The following CARMIL3 variants were observed in gnomAD, a reference collection of about 807,000 sequenced individuals.
CARMIL3 encodes the protein capping protein regulator and myosin 1 linker 3.
CARMIL3 carries 88 observed loss-of-function variants against 180.8 expected under a neutral mutation model. The observed-to-expected ratio is 0.49, with a 90% confidence interval of 0.41 to 0.58. The LOEUF (loss-of-function observed/expected upper bound fraction) is 0.58, where lower values mean the gene tolerates loss of function less well. CARMIL3 is among the 20% of genes least tolerant of loss of function. The probability of loss-of-function intolerance (pLI) is 0.00; values close to 1 mark genes in which losing one functional copy is unlikely to be tolerated. For missense variants in CARMIL3, 1,548 were observed against 1,787.0 expected, an observed-to-expected ratio of 0.87 and a Z score of 2.41; for synonymous variants, 696 against 714.5, an observed-to-expected ratio of 0.97 and a Z score of 0.41.
At chr14:24,066,864 C>T (rs778918935) in intron 36 of CARMIL3, among the ~76,000 whole-genome samples, 6 of 152,226 alleles carry the variant, frequency 3.9e-5, no homozygotes, top group Non-Finnish European at 2.9e-5. Flanking sequence ...AGAACAAAAG[C>T]GGCTTCTCCA....
chr14:24,058,734 G>A lies in CARMIL3; in HGVS notation c.1447G>A (p.Val483Ile). ...LQEQLGAVTC[V>I]GSLDLSDNGF... is the part of the protein sequence containing the mutation. ...GGAGCAGCTGGGAGCTGTCACCTGT[G>A]TAGGCAGCCTGGATCTGTCAGACAA... The change falls in exon 18 of 40, where the codon GTA becomes ATA. Residue 483 changes from valine (V) to isoleucine (I), a missense_variant. Physicochemically the swap from Val to Ile is conservative, Grantham distance 29. Around this residue, in one of 4 missense-constraint regions of CARMIL3, gnomAD observed 578 missense variants for 666.5 expected, o/e 0.87. Coordinates refer to ENST00000342740, the MANE Select transcript of CARMIL3 (RefSeq NM_138360.4). This position sits in a 1 kb window ranked among gnomAD's most constrained non-coding sequence, Gnocchi z 6.4. 1 of 1,614,162 alleles carries A rather than the reference G, an allele frequency of 6.2e-7. No individual in the cohort carries two copies. Among genetic ancestry groups the A allele is most frequent in the Non-Finnish European group, 8.5e-7 (1 of 1,180,026 alleles).
chr14:24,068,527 G>A, intron 36 of CARMIL3, 57 bp from the exon 37 acceptor site: 1 of 1,484,740 alleles, frequency 6.7e-7, no homozygotes, highest in South Asian at 1.3e-5. Context: ...AGGAGACAGG[G>A]ACAGGAGCTA....
In CARMIL3 at chr14:24,055,279, A is replaced by C; in HGVS notation, c.574A>C (p.Asn192His). ...IYHAEDNREF[N>H]LLDFSHLESR... Reference sequence around the variant, plus strand: ...CCATGCTGAAGATAACCGGGAGTTCAATCTTTTGGATTTCAGCCACTTGGA... The same window carrying C: ...CCATGCTGAAGATAACCGGGAGTTCCATCTTTTGGATTTCAGCCACTTGGA... Residue 192 changes from asparagine (N) to histidine (H), a missense_variant, in exon 8 of 40, where the codon AAT becomes CAT. Transcript: ENST00000342740. 1 of 1,614,076 alleles carries C rather than the reference A, an allele frequency of 6.2e-7. No individual in the cohort carries two copies. Among genetic ancestry groups the C allele is most frequent in the African/African-American group, 1.3e-5 (1 of 74,998 alleles).
rs1398748435 is a variant in CARMIL3 at position 24,054,519 on chromosome 14, G to A, written c.362+8G>A. The A allele has an allele frequency of 6.2e-7, 1 of 1,603,584 alleles. No homozygotes were observed. Among genetic ancestry groups the A allele is most frequent in the Non-Finnish European group, 8.5e-7 (1 of 1,177,818 alleles). On this transcript the variant is annotated splice_region_variant and intron_variant, in intron 5 of 39. Transcript: ENST00000342740. The surrounding 1 kb of genome is among the most constrained non-coding windows in gnomAD (Gnocchi z 5.1). ...GGTCTGCCCTGGCCCTGGGTGAGTG[G>A]CAAATAAGGGGTCTCTTAAGGCATT... is the stretch of plus-strand genomic sequence containing the variant.
At chr14:24,055,176 T>C (rs1464829291) in intron 7 of CARMIL3, 40 bp downstream of exon 7, 5 of 1,613,936 alleles carry the variant, frequency 3.1e-6, no homozygotes, top group Non-Finnish European at 4.2e-6. Context: ...AGGTGGGACC[T>C]GGAGGGAAGG....
At chr14:24,062,186 C>T in intron 27 of CARMIL3, 2 of 523,564 alleles carry the variant, frequency 3.8e-6, no homozygotes, top group Non-Finnish European at 6.9e-6. Context: ...TTACCTAGCT[C>T]TGTTCCACTG....
chr14:24,066,517 T>A, intron 35 of CARMIL3, 50 bp from the exon 36 acceptor site: 1 of 1,612,730 alleles, frequency 6.2e-7, no homozygotes. Context: ...AGGGGTCAAA[T>A]TTACCTTTTC....
chr14:24,068,693 G>T lies in CARMIL3; in HGVS notation c.3792G>T (p.Arg1264Ser). ...TCCCAGAGAGGACACTTCCAGCTAG[G>T]AATGCCAAGGTGAGAGCTGGCAAGA... The part of the protein sequence containing the change: ...TLFPERTLPA[R>S]NAKLQDPALA... Residue 1264 changes from arginine (R) to serine (S), a missense_variant, in exon 37 of 40, where the codon AGG (arginine) becomes AGT (serine). This residue lies in a region of CARMIL3 where 668 missense variants were observed against 687.8 expected (regional missense o/e 0.97). Coordinates refer to ENST00000342740, the MANE Select transcript of CARMIL3 (RefSeq NM_138360.4). The T allele has an allele frequency of 6.2e-7, 1 of 1,613,674 alleles. No homozygotes were observed. Among genetic ancestry groups the T allele is most frequent in the Non-Finnish European group, 8.5e-7 (1 of 1,179,786 alleles).
Position 24,065,666 on chromosome 14 carries a change from G to A in CARMIL3, c.3441G>A (p.Gly1147=). The A allele has an allele frequency of 1.9e-6, 3 of 1,614,018 alleles. No individual in the cohort carries two copies. Among genetic ancestry groups the A allele is most frequent in the Non-Finnish European group, 2.5e-6 (3 of 1,179,934 alleles). ...SEPGEGGPAP[G]TAQQPRVHGV... ...CAGGGGAGGGGGGCCCAGCCCCTGGGACAGCACAGCAGCCAAGGGTTCACG... is the reference window on the plus strand; with the variant it reads ...CAGGGGAGGGGGGCCCAGCCCCTGGAACAGCACAGCAGCCAAGGGTTCACG... Residue 1147 remains glycine, a synonymous_variant, in exon 34 of 40, where the codon GGG becomes GGA. Transcript: ENST00000342740.
chr14:24,059,438 C>A lies in CARMIL3; in HGVS notation c.1795C>A (p.Leu599Ile). 1 of 1,569,944 alleles carries A rather than the reference C, an allele frequency of 6.4e-7. No homozygotes were observed. The change falls in exon 21 of 40, where the codon CTC (leucine) becomes ATC (isoleucine). Residue 599 changes from leucine to isoleucine, a missense_variant. Coordinates refer to ENST00000342740, the MANE Select transcript of CARMIL3 (RefSeq NM_138360.4). This position sits in a 1 kb window ranked among gnomAD's most constrained non-coding sequence, Gnocchi z 6.3. ...TAAGGCCCTGCAGATAAACTCCTCC[C>A]TCAGGTGGGGCCCACACCGGGACCC... ...LSKALQINSS[L>I]RTILWDRNNT... is the part of the protein sequence containing the mutation.
chr14:24,066,174 T>C (rs2035784776), intron 34 of CARMIL3, among the ~76,000 whole-genome samples: 1 of 151,640 alleles, frequency 6.6e-6, no homozygotes, highest in South Asian at 2.1e-4. Flanking sequence ...TTCTACTACA[T>C]GTAAAATACA....
chr14:24,053,650 G>T, intron 1 of CARMIL3, 59 bp from the exon 2 acceptor site: 1 of 1,303,452 alleles, frequency 7.7e-7, no homozygotes, highest in South Asian at 1.3e-5. Flanking sequence ...GGAGAGCTCT[G>T]GGAGGTGGGG....
At position 24,055,286 on chromosome 14, in the gene CARMIL3, T is replaced by G. The variant is rs1287574661; in HGVS notation, c.581T>G (p.Leu194Trp). 1 of 1,614,108 alleles carries G rather than the reference T, an allele frequency of 6.2e-7. No individual in the cohort carries two copies. The highest frequency in any genetic ancestry group is 8.5e-7 in the Non-Finnish European group (1 of 1,180,012). Residue 194 changes from leucine (L) to tryptophan (W), a missense_variant, in exon 8 of 40, where the codon TTG becomes TGG. By Grantham distance (61) the Leu-to-Trp change is moderately conservative (BLOSUM62 -2). This residue lies in a region of CARMIL3 where 578 missense variants were observed against 666.5 expected (regional missense o/e 0.87). Transcript: ENST00000342740. ...GAAGATAACCGGGAGTTCAATCTTT[T>G]GGATTTCAGCCACTTGGAGAGCCGG... ...HAEDNREFNL[L>W]DFSHLESRDL...
At chr14:24,053,130 A>C (rs545971250) in intron 1 of CARMIL3, among the ~76,000 whole-genome samples, 1 of 152,060 alleles carries the variant, frequency 6.6e-6, no homozygotes, top group East Asian at 1.9e-4. Context: ...TCATTTAAAC[A>C]TTAATTCTTC....
chr14:24,066,767 AG>A, intron 36 of CARMIL3, 111 bp downstream of exon 36: 1 of 1,069,136 alleles, frequency 9.4e-7, no homozygotes, highest in Non-Finnish European at 1.4e-6. Flanking sequence ...TGGGGCAGTG[AG>A]AAGTCAACAC....
Position 24,056,686 on chromosome 14 carries a change from C to T in CARMIL3, c.930C>T (p.Ala310=). ...CTGGCCTCACCAAACTGTGCCTGGC[C>T]AAGACTGCCATTTCCCCTCGAGGTA... ...FPSGLTKLCL[A]KTAISPRGLQ... The change falls in exon 12 of 40, where the codon GCC becomes GCT. Residue 310 remains alanine, a synonymous_variant. Coordinates refer to ENST00000342740, the MANE Select transcript of CARMIL3 (RefSeq NM_138360.4). The T allele has an allele frequency of 6.2e-7, 1 of 1,613,484 alleles. No homozygotes were observed.
rs60008334 is a variant in CARMIL3 at position 24,059,661 on chromosome 14, C to A, written c.1800-3C>A. The A allele has an allele frequency of 3.5e-5, 57 of 1,614,024 alleles. No homozygotes were observed. Among genetic ancestry groups the A allele is most frequent in the Admixed American group, 2.2e-4 (13 of 60,006 alleles). On this transcript the variant is annotated splice_region_variant and splice_polypyrimidine_tract_variant and intron_variant, in intron 21 of 39. Transcript: ENST00000342740. This position sits in a 1 kb window ranked among gnomAD's most constrained non-coding sequence, Gnocchi z 6.3. Reference sequence around the variant, plus strand: ...GCCAAACTGGTGCTTACCCTCCCCCCAGAACTATCCTATGGGATCGGAACA... The same window carrying A: ...GCCAAACTGGTGCTTACCCTCCCCCAAGAACTATCCTATGGGATCGGAACA...
Position 24,069,530 on chromosome 14 carries a change from G to C in CARMIL3, c.*126G>C, listed in dbSNP as rs2035841559. 2 of 1,255,126 alleles carry C rather than the reference G, an allele frequency of 1.6e-6. No homozygotes were observed. Among genetic ancestry groups the C allele is most frequent in the African/African-American group, 3.0e-5 (2 of 66,784 alleles). The allele number at this position is 1,255,126 out of a possible 1,614,324, so 77.7% of individuals were successfully genotyped here. ...TACAGGGGCAAGACGGCAGGACCAG[G>C]CATGGGGGAGCTGGAGGCAGGGACT... On this transcript the variant is annotated 3_prime_UTR_variant, in exon 40 of 40. Transcript: ENST00000342740.
At chr14:24,057,337 G>T in intron 14 of CARMIL3, 93 bp downstream of exon 14, 2 of 1,148,064 alleles carry the variant, frequency 1.7e-6, no homozygotes, top group Non-Finnish European at 1.3e-6. Flanking sequence ...GTACACAGGC[G>T]GGCAGAGCTG....
Sources: gnomAD v4.1 joint callset for allele counts (sites outside exome capture counted in the v4.1 genomes callset) on GRCh38, gnomAD v4.1.1 for gene constraint, gnomAD v4.1.1 regional missense constraint, Gnocchi (gnomAD v3.1) non-coding constraint, MANE v1.5 for transcripts, NCBI Gene and HGNC (gene_info 2026-07-23, HGNC 2026-07-21) for gene names.